CLMP: variants seen among roughly 807,000 people sequenced by gnomAD.
CLMP encodes CXADR-like membrane protein.
Under a neutral mutation model 45.2 loss-of-function variants are expected in CLMP, and 27 were observed. The ratio of observed to expected loss-of-function variants is 0.60; its 90% confidence interval spans 0.44 to 0.82. CLMP has a LOEUF of 0.82. Among genes scored for constraint, CLMP ranks in the 40% least tolerant of loss-of-function variants. The pLI, the probability that CLMP is intolerant of heterozygous loss-of-function variation, is 0.00. For synonymous variants in CLMP, 167 were observed against 171.4 expected (o/e 0.97, Z 0.20); for missense variants, 403 against 448.4 (o/e 0.90, Z 0.91).
At chr11:123,130,407 G>A (rs1481443965) in intron 1 of CLMP, among the ~76,000 whole-genome samples, 3 of 150,336 alleles carry the variant, frequency 2.0e-5, no homozygotes, top group South Asian at 2.1e-4. Flanking sequence ...GGCAGGGTTC[G>A]GCAAAATTAA....
intron 1 of CLMP, among the ~76,000 whole-genome samples, chr11:123,176,441 G>A (rs949959854): frequency 6.6e-6 from 1 of 152,236 alleles, no homozygotes; most frequent in Non-Finnish European, 1.5e-5. Flanking sequence ...TTTTGTTCAA[G>A]GAATGAGTAT....
At chr11:123,106,274 T>A (rs1028108152) in intron 1 of CLMP, among the ~76,000 whole-genome samples, 2 of 152,140 alleles carry the variant, frequency 1.3e-5, no homozygotes, top group Admixed American at 1.3e-4. Context: ...TAAATTTGTA[T>A]GCCTTTTCTC....
chr11:123,150,516 GAAGGAAGGAAGGAAAGAAACAAGC>G (rs1861314667), intron 1 of CLMP, among the ~76,000 whole-genome samples: 6 of 129,418 alleles, frequency 4.6e-5, no homozygotes, highest in African/African-American at 9.2e-5. Context: ...AGGAAGGAAG[GAAGGAAGGAAGGAAAGAAACAAGC>G]AAGGAAGGAA....
intron 1 of CLMP, among the ~76,000 whole-genome samples, chr11:123,105,383 C>A (rs7951561): frequency 1.9e-5 from 1 of 51,868 alleles, no homozygotes. Context: ...CTCCCTCCCT[C>A]CCTTCCTTCC....
intron 1 of CLMP, among the ~76,000 whole-genome samples, chr11:123,163,389 C>T (rs1861512892): frequency 6.6e-6 from 1 of 152,130 alleles, no homozygotes; most frequent in Non-Finnish European, 1.5e-5. Context: ...GGTAGGGAGA[C>T]CATTCAGGAG....
chr11:123,092,340 C>T lies in CLMP; in HGVS notation c.186+5455G>A, dbSNP rs779406385. On this transcript the variant is annotated intron_variant, in intron 2 of 6. Transcript: ENST00000448775. The stretch of plus-strand genomic sequence containing the variant: ...TGAGACGGAGCCTAGCTCTGTCGCC[C>T]AGGTTGGAGTGCAGTGGCACAATCT... 1.8e-4 allele frequency among the ~76,000 whole-genome samples: 28 copies of T among 152,174 alleles called. No individual in the cohort carries two copies. In the South Asian group the frequency reaches 2.5e-3, roughly 14 times the overall value.
chr11:123,149,590 A>C (rs2135523585), intron 1 of CLMP, among the ~76,000 whole-genome samples: 1 of 152,240 alleles, frequency 6.6e-6, no homozygotes, highest in East Asian at 1.9e-4. Context: ...TAGTTGTAAA[A>C]AGCCTGGGTT....
At chr11:123,088,677 G>A (rs1271599871) in intron 2 of CLMP, among the ~76,000 whole-genome samples, 1 of 152,124 alleles carries the variant, frequency 6.6e-6, no homozygotes, top group Non-Finnish European at 1.5e-5. Flanking sequence ...CCAGGCTGGA[G>A]TGCAGTGGCG....
At chr11:123,162,513 A>AGGG (rs1861499106) in intron 1 of CLMP, among the ~76,000 whole-genome samples, 1 of 152,198 alleles carries the variant, frequency 6.6e-6, no homozygotes, top group Non-Finnish European at 1.5e-5. Context: ...GAATTAATTG[A>AGGG]GGGCTTGCTG....
intron 1 of CLMP, among the ~76,000 whole-genome samples, chr11:123,189,280 T>C (rs1861875015): frequency 6.6e-6 from 1 of 152,194 alleles, no homozygotes; most frequent in South Asian, 2.1e-4. Flanking sequence ...GATTTCAGAA[T>C]AACCATGTGT....
intron 2 of CLMP, among the ~76,000 whole-genome samples, chr11:123,090,315 G>A (rs922792097): frequency 1.3e-5 from 2 of 150,934 alleles, no homozygotes; most frequent in South Asian, 2.1e-4. Context: ...ATAGCTGGGC[G>A]TGGTGGCATG....
At position 123,112,771 on chromosome 11, in the gene CLMP, T is replaced by A. The variant is rs571282139; in HGVS notation, c.29-14819A>T. ...ATCTTGACAGGTCTGTTAGTACCCA[T>A]TTTTTTTTTTTTTTTTTTTTGAGAC... is the stretch of plus-strand genomic sequence containing the variant. On this transcript the variant is annotated intron_variant, in intron 1 of 6. Transcript: ENST00000448775. Among the ~76,000 whole-genome samples, 18 of 43,986 alleles carry A rather than the reference T, an allele frequency of 4.1e-4. No individual in the cohort carries two copies. In the South Asian group the frequency reaches 0.012, roughly 29 times the overall value. 28.9% of individuals were successfully genotyped at this position (43,986 alleles called of 152,430 possible).
intron 1 of CLMP, among the ~76,000 whole-genome samples, chr11:123,131,438 G>C (rs1026910824): frequency 6.6e-6 from 1 of 152,070 alleles, no homozygotes; most frequent in Non-Finnish European, 1.5e-5. Flanking sequence ...ATATATTTAA[G>C]ATTAGAAGCA....
chr11:123,073,828 G>C, intron 6 of CLMP, 54 bp from the exon 7 acceptor site: 1 of 1,510,084 alleles, frequency 6.6e-7, no homozygotes. Flanking sequence ...ATTGCTTCCA[G>C]TATGATTGCT....
chr11:123,148,548 C>T (rs1453224121), intron 1 of CLMP, among the ~76,000 whole-genome samples: 1 of 152,232 alleles, frequency 6.6e-6, no homozygotes, highest in African/African-American at 2.4e-5. Context: ...GTCACAGATC[C>T]TCTCTTGACT....
At chr11:123,125,521 CCCTTCCCTTCCCTCCCCTT>C (rs1860878438) in intron 1 of CLMP, among the ~76,000 whole-genome samples, 2 of 97,722 alleles carry the variant, frequency 2.0e-5, no homozygotes, top group African/African-American at 7.7e-5. Flanking sequence ...CCCTTCCCTT[CCCTTCCCTTCCCTCCCCTT>C]CCCTCCCCTC....
At chr11:123,105,736 A>T (rs1461347583) in intron 1 of CLMP, among the ~76,000 whole-genome samples, 1 of 151,604 alleles carries the variant, frequency 6.6e-6, no homozygotes, top group African/African-American at 2.4e-5. Context: ...AGCCGTATTT[A>T]CATTTTCTCA....
At chr11:123,083,312 T>G in intron 4 of CLMP, 105 bp from the exon 5 acceptor site, 1 of 1,136,634 alleles carries the variant, frequency 8.8e-7, no homozygotes, top group South Asian at 1.5e-5. Flanking sequence ...TGCTATTTGA[T>G]AAGAATGAAA....
At chr11:123,104,992 T>C (rs1173401690) in intron 1 of CLMP, among the ~76,000 whole-genome samples, 9 of 152,202 alleles carry the variant, frequency 5.9e-5, no homozygotes, top group Non-Finnish European at 1.3e-4. Flanking sequence ...TGCTGAGTGG[T>C]GGCAGTGGTA....
Sources: gnomAD v4.1 joint callset for allele counts (sites outside exome capture counted in the v4.1 genomes callset) on GRCh38, gnomAD v4.1.1 for gene constraint, MANE v1.5 for transcripts, NCBI Gene and HGNC (gene_info 2026-07-23, HGNC 2026-07-21) for gene names.